Variants in STOX2 observed in about 807,000 individuals in gnomAD.
STOX2 encodes storkhead box 2.
In STOX2, 28 loss-of-function variants were observed where a neutral mutation model predicts 60.9. The observed-to-expected ratio is 0.46, with a 90% CI of 0.34 to 0.63. The LOEUF (loss-of-function observed/expected upper bound fraction) is 0.63, where lower values mean the gene tolerates loss of function less well. STOX2 is among the 30% of genes least tolerant of loss of function. The pLI is 0.01. For missense variants in STOX2, 1,024 were observed against 1,187.7 expected, an observed-to-expected ratio of 0.86 and a Z score of 2.03; for synonymous variants, 472 against 463.9, an observed-to-expected ratio of 1.02 and a Z score of -0.22.
At chr4:183,896,151 G>T (rs1741335043) in intron 1 of STOX2, among the ~76,000 whole-genome samples, 1 of 152,220 alleles carries the variant, frequency 6.6e-6, no homozygotes, top group Admixed American at 6.5e-5. Context: ...CAATGAGTCA[G>T]CAGGAGAAAA....
chr4:183,805,363 G>A (rs1738865599), intron 1 of STOX2, among the ~76,000 whole-genome samples: 1 of 152,160 alleles, frequency 6.6e-6, no homozygotes, highest in Non-Finnish European at 1.5e-5. Flanking sequence ...GGAAACTAAC[G>A]ATATGGTCTA....
chr4:183,947,762 C>T (rs1742938691), intron 1 of STOX2, among the ~76,000 whole-genome samples: 1 of 152,132 alleles, frequency 6.6e-6, no homozygotes, highest in Non-Finnish European at 1.5e-5. Context: ...TCAGGGTTCT[C>T]CCAAGCAGAG....
At chr4:183,897,072 C>A (rs112340941) in intron 1 of STOX2, among the ~76,000 whole-genome samples, 2 of 152,134 alleles carry the variant, frequency 1.3e-5, no homozygotes, top group African/African-American at 4.8e-5. Context: ...TTACCCACTG[C>A]GGTTTCCCTG....
At chr4:183,843,999 T>C (rs1202998727) in intron 1 of STOX2, among the ~76,000 whole-genome samples, 4 of 152,236 alleles carry the variant, frequency 2.6e-5, no homozygotes, top group Non-Finnish European at 4.4e-5. Context: ...ATGTTACTTA[T>C]TTAATTGCAT....
chr4:183,964,624 C>T (rs998396777), intron 1 of STOX2, among the ~76,000 whole-genome samples: 59 of 151,654 alleles, frequency 3.9e-4, no homozygotes, highest in African/African-American at 1.4e-3. Context: ...GAGTGTTGCT[C>T]CGTCGCACCC....
chr4:183,822,112 C>A (rs899065726), intron 1 of STOX2, among the ~76,000 whole-genome samples: 2 of 152,198 alleles, frequency 1.3e-5, no homozygotes, highest in African/African-American at 4.8e-5. Flanking sequence ...CTGCCACCCA[C>A]GTGCTAGGGA....
At chr4:183,889,014 G>A (rs764042699) in intron 1 of STOX2, among the ~76,000 whole-genome samples, 1 of 151,672 alleles carries the variant, frequency 6.6e-6, no homozygotes, top group African/African-American at 2.4e-5. Context: ...TTCTCGATGC[G>A]TTATTGGACC....
chr4:183,922,147 G>A (rs1579419766), intron 1 of STOX2, among the ~76,000 whole-genome samples: 1 of 152,250 alleles, frequency 6.6e-6, no homozygotes, highest in African/African-American at 2.4e-5. Context: ...CACATTAAAT[G>A]TATAGAAATT....
chr4:183,840,053 C>CGTGT (rs138745638), intron 1 of STOX2, among the ~76,000 whole-genome samples: 1 of 150,326 alleles, frequency 6.7e-6, no homozygotes, highest in African/African-American at 2.4e-5. Flanking sequence ...TGTGTGTGCG[C>CGTGT]GTGTGTGTGT....
At chr4:183,832,157 T>A (rs1447336874) in intron 1 of STOX2, among the ~76,000 whole-genome samples, 1 of 151,826 alleles carries the variant, frequency 6.6e-6, no homozygotes, top group East Asian at 1.9e-4. Flanking sequence ...GCCCGGCTAA[T>A]TTTTGTATTT....
chr4:183,808,565 T>C (rs1738963591), intron 1 of STOX2, among the ~76,000 whole-genome samples: 1 of 152,244 alleles, frequency 6.6e-6, no homozygotes, highest in Admixed American at 6.5e-5. Flanking sequence ...GTTAGTAGAC[T>C]GTGAGGTAAT....
chr4:183,816,965 G>A (rs1025955177), intron 1 of STOX2, among the ~76,000 whole-genome samples: 3 of 152,162 alleles, frequency 2.0e-5, no homozygotes, highest in Non-Finnish European at 4.4e-5. Context: ...TGATGACTTC[G>A]CTGAAGCTAT....
At position 183,851,720 on chromosome 4, in the gene STOX2, A is replaced by G. The variant is rs371892763; in HGVS notation, c.364+53665A>G. Among the ~76,000 whole-genome samples the G allele has an allele frequency of 5.2e-3, 396 of 75,942 alleles. 2 individuals carry two copies. Among genetic ancestry groups the G allele is most frequent in the African/African-American group, 0.011 (178 of 16,210 alleles). 49.8% of individuals were successfully genotyped at this position (75,942 alleles called of 152,430 possible). On this transcript the variant is annotated intron_variant, in intron 1 of 2. Coordinates refer to the STOX2 transcript ENST00000513034. ...GAGAAACGATGAGGGAAAGGATGAGAGAAAGGATGAGGGAAAGGATGAGGG... is the reference window on the plus strand; with the variant it reads ...GAGAAACGATGAGGGAAAGGATGAGGGAAAGGATGAGGGAAAGGATGAGGG...
chr4:183,809,467 C>T (rs567776718), intron 1 of STOX2, among the ~76,000 whole-genome samples: 4 of 152,226 alleles, frequency 2.6e-5, no homozygotes, highest in South Asian at 2.1e-4. Flanking sequence ...GGCTCGATCT[C>T]GGCTAACTGC....
At chr4:184,005,219 G>T (rs191495303) in intron 2 of STOX2, among the ~76,000 whole-genome samples, 39 of 152,272 alleles carry the variant, frequency 2.6e-4, no homozygotes, top group Admixed American at 2.4e-3. Flanking sequence ...CAGCAATTTG[G>T]GAGGCCGAGG....
intron 1 of STOX2, among the ~76,000 whole-genome samples, chr4:183,844,249 T>G (rs902689306): frequency 6.6e-6 from 1 of 152,176 alleles, no homozygotes; most frequent in African/African-American, 2.4e-5. Flanking sequence ...CGGTTGAATA[T>G]TTTGGTACTG....
chr4:183,963,981 T>C (rs1304143961), intron 1 of STOX2, among the ~76,000 whole-genome samples: 1 of 151,632 alleles, frequency 6.6e-6, no homozygotes, highest in Admixed American at 6.6e-5. Flanking sequence ...TTCACTGTGT[T>C]AGCCAGGATG....
chr4:184,004,586 C>T (rs572818946), intron 2 of STOX2, among the ~76,000 whole-genome samples: 65 of 146,880 alleles, frequency 4.4e-4, no homozygotes, highest in South Asian at 1.4e-3. Flanking sequence ...GGCGACAGAG[C>T]GAGACTCCGT....
intron 1 of STOX2, among the ~76,000 whole-genome samples, chr4:183,811,648 T>G (rs143820070): frequency 1.6e-3 from 248 of 152,346 alleles, no homozygotes; most frequent in African/African-American, 5.9e-3. Flanking sequence ...AAGAAGTCCA[T>G]GAAGACAGAT....
Sources: allele counts gnomAD v4.1 joint callset (sites outside exome capture counted in the v4.1 genomes callset), GRCh38; gene constraint gnomAD v4.1.1; transcripts MANE v1.5; gene names NCBI Gene and HGNC (gene_info 2026-07-23, HGNC 2026-07-21).